Variants in CRY2 observed in about 807,000 individuals in gnomAD.
The protein encoded by CRY2 is cryptochrome circadian regulator 2.
A neutral mutation model predicts 69.5 loss-of-function variants in CRY2; 31 were observed. The ratio of observed to expected loss-of-function variants is 0.45; its 90% CI spans 0.34 to 0.60. CRY2 has a LOEUF of 0.60. Ranked by LOEUF, CRY2 falls within the 20% of genes least tolerant of loss-of-function variation. CRY2 has a pLI of 0.02. For missense variants in CRY2, 606 were observed against 797.8 expected (o/e 0.76, Z 2.90); for synonymous variants, 303 against 312.2 (o/e 0.97, Z 0.31).
intron 11 of CRY2, among the ~76,000 whole-genome samples, chr11:45,874,717 G>T (rs1183125186): frequency 6.6e-6 from 1 of 152,216 alleles, no homozygotes; most frequent in Non-Finnish European, 1.5e-5. Context: ...GGCTGAGGCA[G>T]GTGGATCACG....
At position 45,867,762 on chromosome 11, in the gene CRY2, A is replaced by T. The variant is rs1324291309; in HGVS notation, c.882+10A>T. The stretch of plus-strand genomic sequence containing the variant: ...GGACCTGTATAAAAAGGTAAGGGGG[A>T]CATACCTGCCCACATTGCACCTAAG... On this transcript the variant is annotated intron_variant, in intron 6 of 11. Coordinates refer to ENST00000616080, the MANE Select transcript of CRY2 (RefSeq NM_021117.5). 1 of 1,613,938 alleles carries T rather than the reference A, an allele frequency of 6.2e-7. No individual in the cohort carries two copies. The highest frequency in any genetic ancestry group is 1.3e-5 in the African/African-American group (1 of 74,910).
At chr11:45,865,261 T>G (rs1021456083) in intron 5 of CRY2, among the ~76,000 whole-genome samples, 2 of 152,144 alleles carry the variant, frequency 1.3e-5, no homozygotes, top group African/African-American at 4.8e-5. Context: ...AGGTAGGGGT[T>G]GCATATACTG....
chr11:45,849,976 G>A (rs2086183792), intron 1 of CRY2, among the ~76,000 whole-genome samples: 3 of 150,354 alleles, frequency 2.0e-5, no homozygotes, highest in South Asian at 4.3e-4. Flanking sequence ...GGGCATTAAG[G>A]TTTGGGGATT....
At chr11:45,862,590 C>T (rs2086296804) in intron 5 of CRY2, among the ~76,000 whole-genome samples, 1 of 152,228 alleles carries the variant, frequency 6.6e-6, no homozygotes. Flanking sequence ...CACCTTATAA[C>T]ACAGTAAGAC....
intron 11 of CRY2, among the ~76,000 whole-genome samples, chr11:45,875,218 C>A (rs766527801): frequency 6.6e-6 from 1 of 152,186 alleles, no homozygotes; most frequent in East Asian, 1.9e-4. Flanking sequence ...AAGACACTTA[C>A]TCAAGTGTGT....
At chr11:45,847,298 G>GT (rs2086156607), upstream of CRY2, 1 of 1,493,110 alleles carries the variant, frequency 6.7e-7, no homozygotes, top group Non-Finnish European at 9.0e-7. Context: ...ACGTGAGGGG[G>GT]CGGGCCTGTT....
chr11:45,871,608 T>C (rs2086383762), intron 10 of CRY2, among the ~76,000 whole-genome samples: 1 of 152,170 alleles, frequency 6.6e-6, no homozygotes, highest in Non-Finnish European at 1.5e-5. Context: ...GGAGAAAGAC[T>C]GGACAGATTC....
intron 1 of CRY2, among the ~76,000 whole-genome samples, chr11:45,848,647 G>C (rs1451194209): frequency 6.6e-5 from 10 of 152,200 alleles, no homozygotes; most frequent in Admixed American, 5.2e-4. Context: ...AAACTAAAGA[G>C]TTTTGAGACA....
intron 3 of CRY2, among the ~76,000 whole-genome samples, chr11:45,860,252 C>G (rs1238927036): frequency 2.6e-5 from 4 of 152,250 alleles, no homozygotes; most frequent in Middle Eastern, 6.8e-3. Flanking sequence ...GCTATGAACT[C>G]TAGCTCCAGT....
rs768984531 is a variant in CRY2 at position 45,847,630 on chromosome 11, C to T, written c.140C>T (p.Ala47Val). The T allele has an allele frequency of 1.9e-6, 3 of 1,602,118 alleles. No homozygotes were observed. Among genetic ancestry groups the T allele is most frequent in the African/African-American group, 2.7e-5 (2 of 74,904 alleles). ...GCGTTGCTGGCGGCCGTGCGCGGGG[C>T]GCGCTGCGTGCGCTGCGTTTACATT... Reference protein sequence around the residue: ...NPALLAAVRGARCVRCVYILD... With the variant: ...NPALLAAVRGVRCVRCVYILD... Residue 47 changes from alanine (A) to valine (V), a missense_variant, in exon 1 of 12, where the codon GCG (alanine) becomes GTG (valine). By Grantham distance (64) the Ala-to-Val change is moderately conservative. Transcript: ENST00000616080.
chr11:45,871,036 A>G, intron 10 of CRY2, 102 bp downstream of exon 10: 1 of 919,690 alleles, frequency 1.1e-6, no homozygotes, highest in Non-Finnish European at 1.7e-6. Context: ...AGTGGAGCTT[A>G]TATTCCACCT....
At chr11:45,848,295 A>G (rs1457529943) in intron 1 of CRY2, among the ~76,000 whole-genome samples, 3 of 152,236 alleles carry the variant, frequency 2.0e-5, no homozygotes, top group African/African-American at 7.2e-5. Flanking sequence ...TATATTATAA[A>G]TAAAGAAGCC....
At chr11:45,849,612 C>A (rs998285998) in intron 1 of CRY2, among the ~76,000 whole-genome samples, 1 of 145,026 alleles carries the variant, frequency 6.9e-6, no homozygotes, top group African/African-American at 2.5e-5. Context: ...GGCCCCTTTC[C>A]CCCAATTCTA....
rs1182499337 is a variant in CRY2 at position 45,881,906 on chromosome 11, T to C, written c.*995T>C. 6.6e-6 allele frequency: 1 copy of C among 152,256 alleles called. No individual in the cohort carries two copies. Among genetic ancestry groups the C allele is most frequent in the Non-Finnish European group, 1.5e-5 (1 of 68,060 alleles). The allele number at this position is 152,256 out of a possible 1,614,324, so 9.4% of individuals were successfully genotyped here. ...GCCAGGGAAACCATTCTAGTCTTTATTCTGTTGGCTTCCAGGGCCTGTCCT... is the reference window on the plus strand; with the variant it reads ...GCCAGGGAAACCATTCTAGTCTTTACTCTGTTGGCTTCCAGGGCCTGTCCT... On this transcript the variant is annotated 3_prime_UTR_variant, in exon 12 of 12. Transcript: ENST00000616080.
chr11:45,877,095 G>A (rs1018133707), intron 11 of CRY2, among the ~76,000 whole-genome samples: 12 of 152,198 alleles, frequency 7.9e-5, no homozygotes, highest in African/African-American at 1.7e-4. Flanking sequence ...ATAAGTAGGC[G>A]TTGACTGATG....
At chr11:45,872,341 G>A (rs1304326945) in intron 11 of CRY2, 108 bp downstream of exon 11, 2 of 1,033,336 alleles carry the variant, frequency 1.9e-6, no homozygotes, top group Non-Finnish European at 2.9e-6. Flanking sequence ...TGAAAATCTG[G>A]TGGGACCACC....
chr11:45,866,904 G>A (rs571163957), intron 5 of CRY2, among the ~76,000 whole-genome samples: 4 of 152,054 alleles, frequency 2.6e-5, no homozygotes, highest in East Asian at 3.9e-4. Flanking sequence ...GCGGTGAGCC[G>A]AGATCACGCC....
chr11:45,863,808 G>T (rs1314873550), intron 5 of CRY2, among the ~76,000 whole-genome samples: 1 of 151,968 alleles, frequency 6.6e-6, no homozygotes, highest in Non-Finnish European at 1.5e-5. Context: ...GGTAGGTTTA[G>T]CTCTGCTTTA....
chr11:45,856,252 T>A (rs2086238294), intron 2 of CRY2, 162 bp downstream of exon 2: 1 of 619,246 alleles, frequency 1.6e-6, no homozygotes, highest in African/African-American at 1.9e-5. Flanking sequence ...GTTAGCTTGC[T>A]CTTGGAATGG....
Sources: allele counts gnomAD v4.1 joint callset (sites outside exome capture counted in the v4.1 genomes callset), GRCh38; gene constraint gnomAD v4.1.1; transcripts MANE v1.5; gene names NCBI Gene and HGNC (gene_info 2026-07-23, HGNC 2026-07-21).